Variants in FBXL4 observed in about 807,000 individuals in gnomAD.
FBXL4 encodes F-box and leucine rich repeat protein 4, also known as F-box/LRR-repeat protein 4.
A neutral mutation model predicts 58.9 loss-of-function variants in FBXL4; 40 were observed. The observed-to-expected ratio is 0.68, with a 90% CI of 0.53 to 0.88. The LOEUF is 0.88. Ranked by LOEUF, FBXL4 falls within the 40% of genes least tolerant of loss-of-function variation. The pLI is 0.00. For synonymous variants in FBXL4, 263 were observed against 265.5 expected (o/e 0.99, Z 0.09); for missense variants, 676 against 734.4 (o/e 0.92, Z 0.92).
chr6:98,885,237 G>A (rs1770995914), intron 7 of FBXL4, among the ~76,000 whole-genome samples: 1 of 152,148 alleles, frequency 6.6e-6, no homozygotes, highest in Non-Finnish European at 1.5e-5. Context: ...CCAAGTGGCT[G>A]GGATTACAGG....
At chr6:98,895,729 T>C (rs1771386122) in intron 7 of FBXL4, among the ~76,000 whole-genome samples, 1 of 152,194 alleles carries the variant, frequency 6.6e-6, no homozygotes, top group African/African-American at 2.4e-5. Flanking sequence ...ATATATTCAG[T>C]AGCTTTTTCC....
intron 8 of FBXL4, among the ~76,000 whole-genome samples, chr6:98,876,682 A>G (rs545645496): frequency 6.6e-6 from 1 of 152,310 alleles, no homozygotes; most frequent in South Asian, 2.1e-4. Context: ...ATAATAAAAC[A>G]GAGTGATGTG....
In FBXL4 at chr6:98,880,764, T is replaced by C. The variant is rs745698812; in HGVS notation, c.1318-140A>G. 4.2e-5 allele frequency: 28 copies of C among 667,806 alleles called. 1 individual carries two copies. The South Asian group carries it at 4.4e-4, about 10-fold the overall frequency. 41.4% of individuals were successfully genotyped at this position (667,806 alleles called of 1,614,324 possible). Reference sequence around the variant, plus strand: ...AAAGCTAGGTTACAGAGTCCACAAATGCCATTTAATGAGTCCCCAGAGGCT... The same window carrying C: ...AAAGCTAGGTTACAGAGTCCACAAACGCCATTTAATGAGTCCCCAGAGGCT... On this transcript the variant is annotated intron_variant, in intron 7 of 9. Transcript: ENST00000369244.
Position 98,934,827 on chromosome 6 carries a change from C to G in FBXL4, c.-256G>C, listed in dbSNP as rs1281888965. The G allele has an allele frequency of 6.6e-6, 1 of 152,104 alleles. No individual in the cohort carries two copies. Among genetic ancestry groups the G allele is most frequent in the Non-Finnish European group, 1.5e-5 (1 of 68,020 alleles). The allele number at this position is 152,104 out of a possible 1,614,324, so 9.4% of individuals were successfully genotyped here. A position where few individuals can be genotyped will look rare whatever the true frequency, so the allele number is the denominator to read the frequency against. On this transcript the variant is annotated 5_prime_UTR_variant, in exon 2 of 10. Transcript: ENST00000369244. The stretch of plus-strand genomic sequence containing the variant: ...CCAGCTTCAAAGCTTCTTGAAAATC[C>G]AAGCGAATGAAGCAAATGGAGAAGG...
rs1211391692 is a variant in FBXL4 at position 98,873,241 on chromosome 6, A to C, written c.*1037T>G. ...AATTATATATATGTATATAATATAT[A>C]CATGTACATTACATATAATATAAAT... is the stretch of plus-strand genomic sequence containing the variant. On this transcript the variant is annotated 3_prime_UTR_variant, in exon 10 of 10. Transcript: ENST00000369244. The C allele has an allele frequency of 1.4e-5, 2 of 147,710 alleles. No individual in the cohort carries two copies. Among genetic ancestry groups the C allele is most frequent in the African/African-American group, 2.5e-5 (1 of 40,674 alleles). 9.1% of individuals were successfully genotyped at this position (147,710 alleles called of 1,614,324 possible). A position where few individuals can be genotyped will look rare whatever the true frequency, so the allele number is the denominator to read the frequency against.
At position 98,871,563 on chromosome 6, in the gene FBXL4, G is replaced by A. The variant is rs1297247473; in HGVS notation, c.*2715C>T. On this transcript the variant is annotated 3_prime_UTR_variant, in exon 10 of 10. Coordinates refer to ENST00000369244, the MANE Select transcript of FBXL4 (RefSeq NM_001278716.2). ...ACTGGTGGTGTTAAAAATGTGTGAAGCAAAATGATTACGTTTGTCAAATTT... is the reference window on the plus strand; with the variant it reads ...ACTGGTGGTGTTAAAAATGTGTGAAACAAAATGATTACGTTTGTCAAATTT... 1 of 152,212 alleles carries A rather than the reference G, an allele frequency of 6.6e-6. No individual in the cohort carries two copies. The highest frequency in any genetic ancestry group is 6.5e-5 in the Admixed American group (1 of 15,282). The allele number at this position is 152,212 out of a possible 1,614,324, so 9.4% of individuals were successfully genotyped here.
At chr6:98,893,955 G>C (rs981177322) in intron 7 of FBXL4, among the ~76,000 whole-genome samples, 3 of 152,140 alleles carry the variant, frequency 2.0e-5, no homozygotes, top group African/African-American at 7.2e-5. Flanking sequence ...ACAGCTCACT[G>C]TAGCCTCGAC....
At position 98,944,112 on chromosome 6, in the gene FBXL4, T is replaced by C. The variant is rs149436011; in HGVS notation, c.-309+3694A>G. ...TTGGAAAAATAAATTTGTAATAGTA[T>C]GCCATAGCAACCATTTTTAAAAATC... is the stretch of plus-strand genomic sequence containing the variant. On this transcript the variant is annotated intron_variant, in intron 1 of 9. Coordinates refer to ENST00000369244, the MANE Select transcript of FBXL4 (RefSeq NM_001278716.2). 2.4e-4 allele frequency among the ~76,000 whole-genome samples: 36 copies of C among 152,354 alleles called. 1 individual carries two copies. The highest frequency in any genetic ancestry group is 7.7e-4 in the African/African-American group (32 of 41,590).
At chr6:98,897,801 T>C (rs1771460424) in intron 7 of FBXL4, among the ~76,000 whole-genome samples, 2 of 152,192 alleles carry the variant, frequency 1.3e-5, no homozygotes, top group African/African-American at 4.8e-5. Context: ...ACCTGCTCTC[T>C]TGGGAACCAA....
rs1246541796 is a variant in FBXL4 at position 98,897,048 on chromosome 6, C to G, written c.1317+2220G>C. On this transcript the variant is annotated intron_variant, in intron 7 of 9. Coordinates refer to ENST00000369244, the MANE Select transcript of FBXL4 (RefSeq NM_001278716.2). ...GCCACAATAGATATAAGATGCCTAG[C>G]AAGTTAATATTTTTTTGGTTTTTAC... is the stretch of plus-strand genomic sequence containing the variant. 11 of 984,292 alleles carry G rather than the reference C, an allele frequency of 1.1e-5. No individual in the cohort carries two copies. In the East Asian group the frequency reaches 1.2e-3, roughly 112 times the overall value. The allele number at this position is 984,292 out of a possible 1,614,324, so 61.0% of individuals were successfully genotyped here. A position where few individuals can be genotyped will look rare whatever the true frequency, so the allele number is the denominator to read the frequency against.
At chr6:98,920,231 T>C (rs1772527647) in intron 4 of FBXL4, among the ~76,000 whole-genome samples, 2 of 152,298 alleles carry the variant, frequency 1.3e-5, no homozygotes, top group South Asian at 4.1e-4. Context: ...TCTAGCTACC[T>C]TGCAGAACAT....
In FBXL4 at chr6:98,896,638, AT is replaced by A. The variant is rs34468284; in HGVS notation, c.1317+2629del. On this transcript the variant is annotated intron_variant, in intron 7 of 9. Coordinates refer to ENST00000369244, the MANE Select transcript of FBXL4 (RefSeq NM_001278716.2). ...AGATCACTGAAAACTCAGTTTTATA[AT>A]TTTTTTCTACATATTCAATGTCAGA... 2.5e-3 allele frequency: 1,017 copies of A among 413,478 alleles called. 15 individuals are homozygous for A. The highest frequency in any genetic ancestry group is 0.02 in the African/African-American group (917 of 46,280). 25.6% of individuals were successfully genotyped at this position (413,478 alleles called of 1,614,324 possible). A position where few individuals can be genotyped will look rare whatever the true frequency, so the allele number is the denominator to read the frequency against.
intron 7 of FBXL4, among the ~76,000 whole-genome samples, chr6:98,885,179 C>T (rs1770994002): frequency 6.6e-6 from 1 of 152,196 alleles, no homozygotes; most frequent in Admixed American, 6.5e-5. Flanking sequence ...TCTCAGCTCA[C>T]TGCAACCTCT....
chr6:98,920,822 A>ACG (rs953663487), intron 4 of FBXL4, among the ~76,000 whole-genome samples: 2 of 83,150 alleles, frequency 2.4e-5, no homozygotes, highest in Non-Finnish European at 4.3e-5. Context: ...ACACACATAC[A>ACG]CACACACACA....
intron 1 of FBXL4, among the ~76,000 whole-genome samples, chr6:98,943,819 G>A (rs553667915): frequency 6.6e-6 from 1 of 152,160 alleles, no homozygotes; most frequent in South Asian, 2.1e-4. Context: ...TAGACTCCCA[G>A]CCAAAAAATC....
chr6:98,932,408 A>G lies in FBXL4; in HGVS notation c.-191+2354T>C, dbSNP rs545994774. Among the ~76,000 whole-genome samples, 16 of 152,356 alleles carry G rather than the reference A, an allele frequency of 1.1e-4. No individual in the cohort carries two copies. In the South Asian group the frequency reaches 3.3e-3, roughly 32 times the overall value. On this transcript the variant is annotated intron_variant, in intron 2 of 9. Coordinates refer to ENST00000369244, the MANE Select transcript of FBXL4 (RefSeq NM_001278716.2). ...TTATACAACATGATTTTATTATAAT[A>G]CAACTTAGGTTTAAACCACATCTTC...
chr6:98,927,476 C>T (rs1299239968), intron 3 of FBXL4, among the ~76,000 whole-genome samples: 1 of 152,108 alleles, frequency 6.6e-6, no homozygotes, highest in African/African-American at 2.4e-5. Flanking sequence ...AACAAAAATT[C>T]CCTACTGTTA....
intron 7 of FBXL4, among the ~76,000 whole-genome samples, chr6:98,895,467 C>A (rs527411784): frequency 6.6e-6 from 1 of 152,198 alleles, no homozygotes; most frequent in Non-Finnish European, 1.5e-5. Context: ...AAAGAAAATC[C>A]TTGTTTTAGG....
At chr6:98,903,646 T>G (rs1194736682) in intron 6 of FBXL4, among the ~76,000 whole-genome samples, 2 of 152,144 alleles carry the variant, frequency 1.3e-5, no homozygotes, top group Non-Finnish European at 2.9e-5. Context: ...GGCTAAGTTT[T>G]CTTCTTATAA....
Sources: gnomAD v4.1 joint callset for allele counts (sites outside exome capture counted in the v4.1 genomes callset) on GRCh38, gnomAD v4.1.1 for gene constraint, MANE v1.5 for transcripts, NCBI Gene and HGNC (gene_info 2026-07-23, HGNC 2026-07-21) for gene names.